Variants in KCNQ1OT1 observed in about 807,000 individuals in gnomAD.
The protein encoded by KCNQ1OT1 is KCNQ1 antisense RNA 2 (non-protein coding).
chr11:2,616,497 T>G lies in KCNQ1OT1; in HGVS notation n.83498A>C, dbSNP rs1378997713. The G allele has an allele frequency of 1.0e-5, 4 of 397,740 alleles. No individual in the cohort carries two copies. In the East Asian group the frequency reaches 1.4e-4, roughly 14 times the overall value. The allele number at this position is 397,740 out of a possible 1,614,324, so 24.6% of individuals were successfully genotyped here. On this transcript the variant is annotated non_coding_transcript_exon_variant, in exon 1 of 1. Transcript: ENST00000597346. The stretch of plus-strand genomic sequence containing the variant: ...AGGTATAATATTAGGTTATGGATCC[T>G]TCTTCTTTTTCAGTGTGGGCATTCA...
In KCNQ1OT1 at chr11:2,659,886, G is replaced by T. The variant is rs1316499545; in HGVS notation, n.40109C>A. Reference sequence around the variant, plus strand: ...TATTTATAATCCATTTTTAAAATTGGATTGTTCACTTTATTGTCAAGTTGT... The same window carrying T: ...TATTTATAATCCATTTTTAAAATTGTATTGTTCACTTTATTGTCAAGTTGT... On this transcript the variant is annotated non_coding_transcript_exon_variant, in exon 1 of 1. Transcript: ENST00000597346. This position sits in a 1 kb window ranked among gnomAD's most constrained non-coding sequence, Gnocchi z 4.3. 2 of 398,012 alleles carry T rather than the reference G, an allele frequency of 5.0e-6. No homozygotes were observed. The highest frequency in any genetic ancestry group is 4.1e-5 in the African/African-American group (2 of 48,522). 24.7% of individuals were successfully genotyped at this position (398,012 alleles called of 1,614,324 possible).
exon 1 of KCNQ1OT1, chr11:2,693,711 C>T (rs1215852633): frequency 2.5e-5 from 10 of 398,570 alleles, no homozygotes; most frequent in East Asian, 2.5e-4. Flanking sequence ...CATGGGCCTT[C>T]CTGGCTGGTG....
chr11:2,648,926 T>C lies in KCNQ1OT1; in HGVS notation n.51069A>G. Reference sequence around the variant, plus strand: ...ATATATAATTGTTATATCTTCTTGCTGAATTGATCCATTTATAATTATATA... The same window carrying C: ...ATATATAATTGTTATATCTTCTTGCCGAATTGATCCATTTATAATTATATA... On this transcript the variant is annotated non_coding_transcript_exon_variant, in exon 1 of 1. Transcript: ENST00000597346. The C allele has an allele frequency of 5.0e-6, 2 of 398,246 alleles. 1 individual carries two copies. Among genetic ancestry groups the C allele is most frequent in the East Asian group, 7.1e-5 (2 of 28,042 alleles). 24.7% of individuals were successfully genotyped at this position (398,246 alleles called of 1,614,324 possible). A position where few individuals can be genotyped will look rare whatever the true frequency, so the allele number is the denominator to read the frequency against.
chr11:2,696,682 T>C, exon 1 of KCNQ1OT1: 1 of 398,644 alleles, frequency 2.5e-6, no homozygotes, highest in Non-Finnish European at 4.4e-6. Context: ...AGTTGCCCTG[T>C]TCAAGAAAAT....
In KCNQ1OT1 at chr11:2,617,549, GGA is replaced by G. The variant is rs1220872661; in HGVS notation, n.82444_82445del. On this transcript the variant is annotated non_coding_transcript_exon_variant, in exon 1 of 1. Transcript: ENST00000597346. This position sits in a 1 kb window ranked among gnomAD's most constrained non-coding sequence, Gnocchi z 4.6. ...AGGAGCGCAGATATCTTTATGAGGTGGAGATTTCATTTTCTTTGGGAATATAC... is the reference window on the plus strand; with the variant it reads ...AGGAGCGCAGATATCTTTATGAGGTGGATTTCATTTTCTTTGGGAATATAC... 5.0e-6 allele frequency: 2 copies of G among 398,276 alleles called. No individual in the cohort carries two copies. The highest frequency in any genetic ancestry group is 8.9e-6 in the Non-Finnish European group (2 of 225,952). 24.7% of individuals were successfully genotyped at this position (398,276 alleles called of 1,614,324 possible). A position where few individuals can be genotyped will look rare whatever the true frequency, so the allele number is the denominator to read the frequency against.
exon 1 of KCNQ1OT1, chr11:2,694,291 C>A: frequency 2.5e-6 from 1 of 398,668 alleles, no homozygotes; most frequent in South Asian, 1.3e-4. Flanking sequence ...CCATCCCAGT[C>A]CCAAGAGCTG....
chr11:2,647,760 G>A lies in KCNQ1OT1; in HGVS notation n.52235C>T, dbSNP rs1849688453. 1 of 397,936 alleles carries A rather than the reference G, an allele frequency of 2.5e-6. No individual in the cohort carries two copies. Among genetic ancestry groups the A allele is most frequent in the African/African-American group, 2.1e-5 (1 of 48,396 alleles). 24.7% of individuals were successfully genotyped at this position (397,936 alleles called of 1,614,324 possible). A position where few individuals can be genotyped will look rare whatever the true frequency, so the allele number is the denominator to read the frequency against. On this transcript the variant is annotated non_coding_transcript_exon_variant, in exon 1 of 1. Transcript: ENST00000597346. The surrounding 1 kb of genome is among the most constrained non-coding windows in gnomAD (Gnocchi z 4.0). ...TCCAGGAATTTATCTCTTTCCTCTAGGTTTTCTAATTGTTGACATATAGTT... is the reference window on the plus strand; with the variant it reads ...TCCAGGAATTTATCTCTTTCCTCTAAGTTTTCTAATTGTTGACATATAGTT...
In KCNQ1OT1 at chr11:2,613,069, A is replaced by G. The variant is rs534542333; in HGVS notation, n.86926T>C. 451 of 398,552 alleles carry G rather than the reference A, an allele frequency of 1.1e-3. No homozygotes were observed. Among genetic ancestry groups the G allele is most frequent in the Non-Finnish European group, 8.3e-4 (187 of 226,068 alleles). The allele number at this position is 398,552 out of a possible 1,614,324, so 24.7% of individuals were successfully genotyped here. A position where few individuals can be genotyped will look rare whatever the true frequency, so the allele number is the denominator to read the frequency against. On this transcript the variant is annotated non_coding_transcript_exon_variant, in exon 1 of 1. Coordinates refer to ENST00000597346, the Ensembl canonical transcript of KCNQ1OT1. The surrounding 1 kb of genome is among the most constrained non-coding windows in gnomAD (Gnocchi z 4.8). Reference sequence around the variant, plus strand: ...TGTCACCCCTGGATCAGCATAACCTAGTGGTCAAGCCATGATTAGTCAGAC... The same window carrying G: ...TGTCACCCCTGGATCAGCATAACCTGGTGGTCAAGCCATGATTAGTCAGAC...
At chr11:2,638,856 A>C (rs1849523019) in exon 1 of KCNQ1OT1, 1 of 152,190 alleles carries the variant, frequency 6.6e-6, no homozygotes, top group African/African-American at 2.4e-5. Context: ...TACACCAGTC[A>C]GATGTAGATT....
chr11:2,628,047 T>C (rs1329787081), exon 1 of KCNQ1OT1: 2 of 398,526 alleles, frequency 5.0e-6, no homozygotes, highest in Non-Finnish European at 8.8e-6. Context: ...CCACCATGCC[T>C]ATGAATACTA....
At position 2,678,651 on chromosome 11, in the gene KCNQ1OT1, C is replaced by T. The variant is rs1850335270; in HGVS notation, n.21344G>A. The T allele has an allele frequency of 2.5e-6, 1 of 398,400 alleles. No individual in the cohort carries two copies. The highest frequency in any genetic ancestry group is 2.1e-5 in the African/African-American group (1 of 48,578). 24.7% of individuals were successfully genotyped at this position (398,400 alleles called of 1,614,324 possible). The stretch of plus-strand genomic sequence containing the variant: ...GCCAATAATGGGAAGCTCATTTTCA[C>T]AAATGCAGTCAACCAGGGGAATTCA... On this transcript the variant is annotated non_coding_transcript_exon_variant, in exon 1 of 1. Coordinates refer to ENST00000597346, the Ensembl canonical transcript of KCNQ1OT1. The surrounding 1 kb of genome is among the most constrained non-coding windows in gnomAD (Gnocchi z 4.9).
At chr11:2,622,602 T>G (rs1329327908) in exon 1 of KCNQ1OT1, 1 of 398,456 alleles carries the variant, frequency 2.5e-6, no homozygotes, top group Non-Finnish European at 4.4e-6. Flanking sequence ...TGCCTTACAT[T>G]TTTTAAATAC....
exon 1 of KCNQ1OT1, chr11:2,689,884 C>A: frequency 2.5e-6 from 1 of 398,790 alleles, no homozygotes; most frequent in South Asian, 1.3e-4. Flanking sequence ...CAGCCCCATC[C>A]CTGGGGAAGG....
At position 2,652,102 on chromosome 11, in the gene KCNQ1OT1, G is replaced by C. The variant is rs1389459970; in HGVS notation, n.47893C>G. 1 of 398,682 alleles carries C rather than the reference G, an allele frequency of 2.5e-6. No homozygotes were observed. 24.7% of individuals were successfully genotyped at this position (398,682 alleles called of 1,614,324 possible). On this transcript the variant is annotated non_coding_transcript_exon_variant, in exon 1 of 1. Transcript: ENST00000597346. The surrounding 1 kb of genome is among the most constrained non-coding windows in gnomAD (Gnocchi z 5.9). ...GGGGAGCCTCTCGGCCCCAGTTCTGGCCTGGCTGGGAGGTGGCCTGGGAAG... is the reference window on the plus strand; with the variant it reads ...GGGGAGCCTCTCGGCCCCAGTTCTGCCCTGGCTGGGAGGTGGCCTGGGAAG...
At position 2,642,286 on chromosome 11, in the gene KCNQ1OT1, T is replaced by G; in HGVS notation, n.57709A>C. Reference sequence around the variant, plus strand: ...TTTTTGTGTGTTCTTTTCAATTTCTTTCATCAGACTTTTGTAGTTTTCCTT... The same window carrying G: ...TTTTTGTGTGTTCTTTTCAATTTCTGTCATCAGACTTTTGTAGTTTTCCTT... On this transcript the variant is annotated non_coding_transcript_exon_variant, in exon 1 of 1. Coordinates refer to ENST00000597346, the Ensembl canonical transcript of KCNQ1OT1. This position sits in a 1 kb window ranked among gnomAD's most constrained non-coding sequence, Gnocchi z 4.3. 1 of 398,386 alleles carries G rather than the reference T, an allele frequency of 2.5e-6. No individual in the cohort carries two copies. Among genetic ancestry groups the G allele is most frequent in the Non-Finnish European group, 4.4e-6 (1 of 225,912 alleles). The allele number at this position is 398,386 out of a possible 1,614,324, so 24.7% of individuals were successfully genotyped here. A position where few individuals can be genotyped will look rare whatever the true frequency, so the allele number is the denominator to read the frequency against.
chr11:2,615,759 T>C, exon 1 of KCNQ1OT1: 1 of 398,120 alleles, frequency 2.5e-6, no homozygotes, highest in South Asian at 1.3e-4. Context: ...ATAATCCTTT[T>C]TAATATGCTG....
In KCNQ1OT1 at chr11:2,658,393, T is replaced by C; in HGVS notation, n.41602A>G. On this transcript the variant is annotated non_coding_transcript_exon_variant, in exon 1 of 1. Transcript: ENST00000597346. This position sits in a 1 kb window ranked among gnomAD's most constrained non-coding sequence, Gnocchi z 4.9. ...TTATTTTTTGAGTTATAGTCCAATA[T>C]TATTTATTTTGTTGCTCAAATTGTT... 2.5e-6 allele frequency: 1 copy of C among 398,638 alleles called. No homozygotes were observed. Among genetic ancestry groups the C allele is most frequent in the East Asian group, 3.6e-5 (1 of 28,076 alleles). The allele number at this position is 398,638 out of a possible 1,614,324, so 24.7% of individuals were successfully genotyped here. A position where few individuals can be genotyped will look rare whatever the true frequency, so the allele number is the denominator to read the frequency against.
exon 1 of KCNQ1OT1, chr11:2,633,453 T>A (rs534239741): frequency 2.5e-6 from 1 of 398,568 alleles, no homozygotes; most frequent in East Asian, 3.6e-5. Flanking sequence ...GCTAGACCCA[T>A]ATCCTGAAGG....
At chr11:2,656,866 C>A (rs887648573) in exon 1 of KCNQ1OT1, 2 of 398,474 alleles carry the variant, frequency 5.0e-6, no homozygotes, top group African/African-American at 4.1e-5. Context: ...GGTCTTCAAT[C>A]CCCTAGAATG....
Sources: allele counts gnomAD v4.1 joint callset, GRCh38; gene constraint gnomAD v4.1.1; non-coding constraint Gnocchi (gnomAD v3.1); transcripts MANE v1.5; gene names NCBI Gene and HGNC (gene_info 2026-07-23, HGNC 2026-07-21).